The following MREG variants were observed in gnomAD, a reference collection of about 807,000 sequenced individuals.
MREG encodes the protein melanoregulin, also known as dilute suppressor protein homolog.
In MREG, 31 loss-of-function variants were observed where a neutral mutation model predicts 28.5. That is an observed-to-expected ratio of 1.09 (90% confidence interval 0.82 to 1.47). MREG has a LOEUF of 1.47. Ranked by LOEUF, MREG falls within the 40% of genes most tolerant of loss-of-function variation. The pLI is 0.00. For synonymous variants in MREG, 106 were observed against 95.2 expected (o/e 1.11, Z -0.66); for missense variants, 256 against 257.4 (o/e 0.99, Z 0.04).
At position 215,955,397 on chromosome 2, in the gene MREG, C is replaced by T. The variant is rs140550457; in HGVS notation, c.256-8284G>A. On this transcript the variant is annotated intron_variant, in intron 2 of 4. Transcript: ENST00000263268. ...ACTGTTGAAAAGCATTAAGCTCCCA[C>T]GTGGATTCATGCACTATATACCACC... Among the ~76,000 whole-genome samples, 249 of 152,294 alleles carry T rather than the reference C, an allele frequency of 1.6e-3. 1 individual carries two copies. Among genetic ancestry groups the T allele is most frequent in the African/African-American group, 5.8e-3 (241 of 41,568 alleles).
upstream of MREG, chr2:216,033,898 T>G (rs1445963894): frequency 6.6e-6 from 1 of 152,194 alleles, no homozygotes; most frequent in Non-Finnish European, 1.5e-5. Context: ...AGATCCAAAA[T>G]AGCCTAGAGA....
chr2:215,987,381 G>A lies in MREG; in HGVS notation c.255+8925C>T, dbSNP rs146102784. ...CCTGCCTCAGCCTCCTGAGTAGCTG[G>A]AATTACAGGTAAGTGCCATCACGCC... On this transcript the variant is annotated intron_variant, in intron 2 of 4. Transcript: ENST00000263268. 3.4e-4 allele frequency among the ~76,000 whole-genome samples: 52 copies of A among 151,814 alleles called. No homozygotes were observed. The East Asian group carries it at 9.4e-3, about 27-fold the overall frequency.
At chr2:215,958,986 G>C (rs908988877) in intron 2 of MREG, among the ~76,000 whole-genome samples, 1 of 152,090 alleles carries the variant, frequency 6.6e-6, no homozygotes, top group Non-Finnish European at 1.5e-5. Flanking sequence ...ATCCTGCCTA[G>C]AGTCTAAGTC....
At chr2:215,963,456 C>CA (rs1553548655) in intron 2 of MREG, among the ~76,000 whole-genome samples, 3 of 38,648 alleles carry the variant, frequency 7.8e-5, no homozygotes, top group African/African-American at 1.7e-4. Context: ...AAAAAAAAAA[C>CA]AAAAAAACAG....
At chr2:215,942,343 T>G (rs190304531), downstream of MREG, among the ~76,000 whole-genome samples, 346 of 152,278 alleles carry the variant, frequency 2.3e-3, 5 homozygotes, top group Non-Finnish European at 1.4e-3. Context: ...CACACTTCTG[T>G]GGCTACTGGT....
chr2:215,972,406 G>T (rs1304539274), intron 2 of MREG, among the ~76,000 whole-genome samples: 1 of 152,150 alleles, frequency 6.6e-6, no homozygotes, highest in Non-Finnish European at 1.5e-5. Flanking sequence ...ACTTTGGGAG[G>T]CCGAGGCAAG....
At chr2:215,965,560 T>C (rs1692916971) in intron 2 of MREG, among the ~76,000 whole-genome samples, 1 of 152,176 alleles carries the variant, frequency 6.6e-6, no homozygotes, top group Non-Finnish European at 1.5e-5. Flanking sequence ...AATCTGACAG[T>C]TTCTCATTCT....
At chr2:215,959,830 G>T (rs967568353) in intron 2 of MREG, among the ~76,000 whole-genome samples, 1 of 152,094 alleles carries the variant, frequency 6.6e-6, no homozygotes, top group Admixed American at 6.5e-5. Flanking sequence ...ACCCTTCAAG[G>T]CTCAGCTCAA....
chr2:216,030,580 G>A (rs1694664264), intron 1 of MREG, among the ~76,000 whole-genome samples: 1 of 151,770 alleles, frequency 6.6e-6, no homozygotes, highest in African/African-American at 2.4e-5. Flanking sequence ...GTCTCGCCCT[G>A]TCACCCAAGC....
intron 1 of MREG, among the ~76,000 whole-genome samples, chr2:216,010,979 C>T (rs1234313559): frequency 6.6e-6 from 1 of 151,368 alleles, no homozygotes; most frequent in Non-Finnish European, 1.5e-5. Context: ...ACCTGTAGTC[C>T]CAGCTACTCG....
rs142046751 is a variant in MREG at position 216,030,037 on chromosome 2, A to G, written c.-68+2752T>C. On this transcript the variant is annotated intron_variant, in intron 1 of 3. Transcript: ENST00000420348. ...GAGCCCCATCTTTGTGTTCACATTCATATTTTCAACCACCTTAAAATTACT... is the reference window on the plus strand; with the variant it reads ...GAGCCCCATCTTTGTGTTCACATTCGTATTTTCAACCACCTTAAAATTACT... Among the ~76,000 whole-genome samples, 1,058 of 152,338 alleles carry G rather than the reference A, an allele frequency of 6.9e-3. 6 individuals are homozygous for G. The highest frequency in any genetic ancestry group is 0.029 in the South Asian group (138 of 4,822).
intron 1 of MREG, among the ~76,000 whole-genome samples, chr2:216,003,734 G>C (rs1327010038): frequency 2.6e-5 from 4 of 152,026 alleles, no homozygotes; most frequent in Non-Finnish European, 5.9e-5. Flanking sequence ...CATTGCTCAG[G>C]CCAAGACCCT....
At chr2:215,945,365 C>T (rs1222433224) in intron 4 of MREG, among the ~76,000 whole-genome samples, 1 of 152,142 alleles carries the variant, frequency 6.6e-6, no homozygotes, top group Non-Finnish European at 1.5e-5. Context: ...AGTAGGTCTA[C>T]GTGTGATACA....
At chr2:215,998,824 C>T (rs551814991) in intron 1 of MREG, among the ~76,000 whole-genome samples, 3 of 152,284 alleles carry the variant, frequency 2.0e-5, no homozygotes, top group South Asian at 2.1e-4. Flanking sequence ...TACTGAGTAC[C>T]GGGCTGGGTG....
chr2:216,025,136 T>C (rs140698314), intron 1 of MREG, among the ~76,000 whole-genome samples: 3 of 152,364 alleles, frequency 2.0e-5, no homozygotes, highest in African/African-American at 7.2e-5. Flanking sequence ...CATCTCATTT[T>C]AATGTTTATG....
chr2:215,981,321 G>T (rs528382929), intron 2 of MREG, among the ~76,000 whole-genome samples: 1 of 152,148 alleles, frequency 6.6e-6, no homozygotes, highest in South Asian at 2.1e-4. Context: ...ATATTATTCC[G>T]CTTGAAAAAG....
At chr2:215,987,206 T>C (rs559100846) in intron 2 of MREG, among the ~76,000 whole-genome samples, 7 of 151,924 alleles carry the variant, frequency 4.6e-5, no homozygotes, top group Non-Finnish European at 1.0e-4. Flanking sequence ...CGATCCAATC[T>C]GTAGGGAAAA....
chr2:215,996,089 G>A (rs996019098), intron 2 of MREG, among the ~76,000 whole-genome samples: 1 of 152,120 alleles, frequency 6.6e-6, no homozygotes, highest in African/African-American at 2.4e-5. Flanking sequence ...CATTAAGGTA[G>A]GAATTAGAAA....
intron 2 of MREG, among the ~76,000 whole-genome samples, chr2:215,979,031 T>C (rs191539261): frequency 6.6e-6 from 1 of 152,346 alleles, no homozygotes; most frequent in East Asian, 1.9e-4. Context: ...AAGCATGCCC[T>C]GTGTATGACA....
Sources: allele counts gnomAD v4.1 joint callset (sites outside exome capture counted in the v4.1 genomes callset), GRCh38; gene constraint gnomAD v4.1.1; transcripts MANE v1.5; gene names NCBI Gene and HGNC (gene_info 2026-07-23, HGNC 2026-07-21).